SUN1: variants seen among roughly 807,000 people sequenced by gnomAD.
SUN1 encodes SUN domain-containing protein 1.
In SUN1, 61 loss-of-function variants were observed where a neutral mutation model predicts 103.2. The ratio of observed to expected loss-of-function variants is 0.59; its 90% CI spans 0.48 to 0.73. The LOEUF is 0.73. Ranked by LOEUF, SUN1 falls within the 30% of genes least tolerant of loss-of-function variation. The pLI, the probability that SUN1 is intolerant of heterozygous loss-of-function variation, is 0.00. For synonymous variants in SUN1, 490 were observed against 425.7 expected (o/e 1.15, Z -1.86); for missense variants, 1,052 against 1,034.6 (o/e 1.02, Z -0.23).
intron 1 of SUN1, among the ~76,000 whole-genome samples, chr7:823,990 A>G (rs536325682): frequency 3.9e-5 from 6 of 152,342 alleles, no homozygotes; most frequent in African/African-American, 1.2e-4. Flanking sequence ...TAAGAGTAGG[A>G]GAGTCCGTTG....
intron 15 of SUN1, among the ~76,000 whole-genome samples, chr7:863,352 G>A (rs930156088): frequency 6.6e-6 from 1 of 152,110 alleles, no homozygotes; most frequent in African/African-American, 2.4e-5. Flanking sequence ...GCCCTCCCGA[G>A]CTCGCCCTTG....
At chr7:851,686 G>A (rs888818377) in intron 6 of SUN1, 3 of 649,888 alleles carry the variant, frequency 4.6e-6, no homozygotes, top group Non-Finnish European at 7.9e-6. Context: ...CTGGGGTTGG[G>A]TCTGGGGGAA....
chr7:869,073 C>A (rs1839539054), intron 16 of SUN1: 1 of 431,660 alleles, frequency 2.3e-6, no homozygotes, highest in South Asian at 2.3e-5. Context: ...GACCATTGAC[C>A]TTCACCTTTT....
chr7:843,769 A>C, intron 5 of SUN1: 1 of 1,428,184 alleles, frequency 7.0e-7, no homozygotes. Flanking sequence ...GAGCAAAAGA[A>C]AATTTCTACG....
intron 17 of SUN1, among the ~76,000 whole-genome samples, chr7:872,170 C>T (rs542950418): frequency 3.9e-5 from 6 of 152,176 alleles, no homozygotes; most frequent in East Asian, 3.8e-4. Context: ...TCTGTGTGTC[C>T]GGCGGGGTCA....
chr7:830,164 G>C (rs1203451469), upstream of SUN1, among the ~76,000 whole-genome samples: 1 of 152,226 alleles, frequency 6.6e-6, no homozygotes, highest in Non-Finnish European at 1.5e-5. Flanking sequence ...GGGAGCTCTG[G>C]GAGCCTCTCA....
intron 5 of SUN1, chr7:851,101 C>T (rs1821666412): frequency 8.2e-6 from 2 of 244,830 alleles, no homozygotes; most frequent in Admixed American, 9.6e-5. Flanking sequence ...CCTCCGCCCC[C>T]TGGGGTTTTT....
intron 1 of SUN1, among the ~76,000 whole-genome samples, chr7:817,801 T>G (rs1426914160): frequency 6.6e-6 from 1 of 152,244 alleles, no homozygotes; most frequent in Non-Finnish European, 1.5e-5. Context: ...ATTTCTCTAA[T>G]AATTTCCTTT....
At chr7:841,909 A>G (rs768195590) in intron 2 of SUN1, 37 bp from the exon 3 acceptor site, 56 of 1,603,006 alleles carry the variant, frequency 3.5e-5, no homozygotes, top group Non-Finnish European at 4.8e-5. Context: ...ATTTGCTAGA[A>G]AAGATCTATA....
chr7:851,319 G>A (rs772241905), intron 5 of SUN1, 65 bp from the exon 6 acceptor site: 14 of 1,420,908 alleles, frequency 9.9e-6, no homozygotes, highest in South Asian at 3.7e-5. Context: ...CGTCCCCACC[G>A]TGCTGTCACT....
At chr7:827,477 T>TTTTTTTTTTTTTTTTTG (rs1793426510), upstream of SUN1, among the ~76,000 whole-genome samples, 1 of 144,658 alleles carries the variant, frequency 6.9e-6, no homozygotes, top group Non-Finnish European at 1.5e-5. Flanking sequence ...TTTTTTTTTT[T>TTTTTTTTTTTTTTTTTG]TTTTTTTTTT....
At chr7:860,819 C>A (rs535103633) in intron 14 of SUN1, among the ~76,000 whole-genome samples, 1 of 152,170 alleles carries the variant, frequency 6.6e-6, no homozygotes, top group South Asian at 2.1e-4. Flanking sequence ...GGAGCAAAGT[C>A]GTGTCTTATA....
intron 5 of SUN1, among the ~76,000 whole-genome samples, chr7:844,484 C>T (rs544120086): frequency 2.6e-5 from 4 of 152,354 alleles, no homozygotes; most frequent in African/African-American, 4.8e-5. Context: ...GGCGACAGGA[C>T]GAAGGCTTCT....
At chr7:836,951 G>A (rs758985609) in intron 1 of SUN1, among the ~76,000 whole-genome samples, 11 of 152,228 alleles carry the variant, frequency 7.2e-5, no homozygotes, top group East Asian at 1.9e-4. Flanking sequence ...GACGTGGGGC[G>A]GATGGAGGGG....
intron 11 of SUN1, among the ~76,000 whole-genome samples, chr7:855,614 C>T (rs970605612): frequency 6.6e-6 from 1 of 152,218 alleles, no homozygotes; most frequent in Non-Finnish European, 1.5e-5. Context: ...GTAGCACACC[C>T]TTTTGGGAAT....
intron 1 of SUN1, among the ~76,000 whole-genome samples, chr7:824,951 A>G (rs6947267): frequency 0.045 from 6,823 of 152,276 alleles, 516 homozygotes; most frequent in African/African-American, 0.15. Context: ...CACACCTCAC[A>G]GCTAAGGCAG....
chr7:840,200 G>T (rs1562596746), intron 2 of SUN1, among the ~76,000 whole-genome samples: 1 of 152,204 alleles, frequency 6.6e-6, no homozygotes, highest in Non-Finnish European at 1.5e-5. Flanking sequence ...GCTTCCACAG[G>T]CACCACAGTC....
At chr7:870,273 A>G (rs1840551768) in intron 17 of SUN1, among the ~76,000 whole-genome samples, 1 of 151,476 alleles carries the variant, frequency 6.6e-6, no homozygotes, top group Non-Finnish European at 1.5e-5. Context: ...TTCATAAAGT[A>G]TTTCATAAAA....
At chr7:827,149 G>GTT (rs1224376235) in intron 1 of SUN1, among the ~76,000 whole-genome samples, 1 of 152,078 alleles carries the variant, frequency 6.6e-6, no homozygotes, top group African/African-American at 2.4e-5. Context: ...AGCCTCCCAA[G>GTT]TAGTTGGGAC....
Sources: gnomAD v4.1 joint callset for allele counts (sites outside exome capture counted in the v4.1 genomes callset) on GRCh38, gnomAD v4.1.1 for gene constraint, MANE v1.5 for transcripts, NCBI Gene and HGNC (gene_info 2026-07-23, HGNC 2026-07-21) for gene names.